Variants in KARS1 observed in about 807,000 individuals in gnomAD.
The protein encoded by KARS1 is lysyl-tRNA synthetase 1, also known as lysine--tRNA ligase.
KARS1 carries 50 observed loss-of-function variants against 63.9 expected under a neutral mutation model. The ratio of observed to expected loss-of-function variants is 0.78; its 90% CI spans 0.62 to 0.99. KARS1 has a LOEUF of 0.99. Among genes scored for constraint, KARS1 ranks in the 50% least tolerant of loss-of-function variants. The pLI, the probability that KARS1 is intolerant of heterozygous loss-of-function variation, is 0.00. For synonymous variants in KARS1, 320 were observed against 264.6 expected (o/e 1.21, Z -2.03); for missense variants, 816 against 754.5 (o/e 1.08, Z -0.95).
At chr16:75,629,640 C>A (rs777771119) in intron 11 of KARS1, 99 bp from the exon 12 acceptor site, 22 of 1,328,978 alleles carry the variant, frequency 1.7e-5, no homozygotes, top group Non-Finnish European at 2.1e-5. Context: ...CGCTCTGTCA[C>A]GCAGGCTGGA....
intron 2 of KARS1, 89 bp downstream of exon 2, chr16:75,641,475 C>G (rs905892543): frequency 4.4e-6 from 5 of 1,133,384 alleles, no homozygotes; most frequent in Non-Finnish European, 6.5e-6. Context: ...CGTACTGGTC[C>G]CTCCTACTGT....
At chr16:75,631,907 G>C (rs761439804) in intron 7 of KARS1, 52 bp from the exon 8 acceptor site, 2 of 1,599,450 alleles carry the variant, frequency 1.3e-6, no homozygotes, top group Non-Finnish European at 1.7e-6. Context: ...TTTTTTTTGA[G>C]ATGGAGTTTT....
At position 75,628,138 on chromosome 16, in the gene KARS1, T is replaced by C. The variant is rs1004981759; in HGVS notation, c.1696-145A>G. 2.4e-5 allele frequency: 17 copies of C among 700,622 alleles called. No homozygotes were observed. In the African/African-American group the frequency reaches 2.6e-4, roughly 11 times the overall value. The allele number at this position is 700,622 out of a possible 1,614,324, so 43.4% of individuals were successfully genotyped here. On this transcript the variant is annotated intron_variant, in intron 13 of 13. Transcript: ENST00000302445. Reference sequence around the variant, plus strand: ...AGCTGAAAAGGCTCATGTGTTCTTTTATTTCAACTCAGACCCTCTCAAGTT... The same window carrying C: ...AGCTGAAAAGGCTCATGTGTTCTTTCATTTCAACTCAGACCCTCTCAAGTT...
At position 75,635,719 on chromosome 16, in the gene KARS1, T is replaced by A; in HGVS notation, c.756A>T (p.Thr252=). Reference sequence around the variant, plus strand: ...GCTCATCTAAGAAACTTCTTATATATGTGATGATCTTAGAGCGGATGATAA... The same window carrying A: ...GCTCATCTAAGAAACTTCTTATATAAGTGATGATCTTAGAGCGGATGATAA... The part of the protein sequence containing the change: ...QKFIIRSKII[T]YIRSFLDELG... Residue 252 remains threonine, a synonymous_variant, in exon 6 of 14, where the codon ACA becomes ACT. Coordinates refer to ENST00000302445, the MANE Select transcript of KARS1 (RefSeq NM_005548.3). The A allele has an allele frequency of 2.5e-6, 4 of 1,614,100 alleles. No homozygotes were observed. Among genetic ancestry groups the A allele is most frequent in the Non-Finnish European group, 3.4e-6 (4 of 1,179,926 alleles).
intron 11 of KARS1, among the ~76,000 whole-genome samples, chr16:75,629,979 C>T (rs776481568): frequency 3.9e-5 from 6 of 152,194 alleles, no homozygotes; most frequent in Non-Finnish European, 8.8e-5. Context: ...AACAGGCCAG[C>T]GGGCAGACTG....
In KARS1 at chr16:75,641,723, ACT is replaced by A; in HGVS notation, c.63-2_63-1del. On this transcript the variant is annotated splice_acceptor_variant, in intron 1 of 13. Coordinates refer to ENST00000302445, the MANE Select transcript of KARS1 (RefSeq NM_005548.3). LOFTEE classifies it high-confidence loss of function. ...CAGCTTTCAGGCGTCTCTTCAGCTC[ACT>A]GTTGGAAAGATGAAAGCGTTCAATG... 1 of 1,613,660 alleles carries A rather than the reference ACT, an allele frequency of 6.2e-7. No individual in the cohort carries two copies. The highest frequency in any genetic ancestry group is 8.5e-7 in the Non-Finnish European group (1 of 1,180,002).
chr16:75,636,179 A>G, intron 4 of KARS1, 81 bp from the exon 5 acceptor site: 1 of 877,436 alleles, frequency 1.1e-6, no homozygotes, highest in Non-Finnish European at 1.9e-6. Context: ...CCCTCACTCA[A>G]CTGTTAATAC....
Position 75,644,177 on chromosome 16 carries a change from C to T in KARS1, c.63-2454G>A, listed in dbSNP as rs1043040244. 34 of 998,900 alleles carry T rather than the reference C, an allele frequency of 3.4e-5. No homozygotes were observed. In the African/African-American group the frequency reaches 4.2e-4, roughly 12 times the overall value. The allele number at this position is 998,900 out of a possible 1,614,324, so 61.9% of individuals were successfully genotyped here. On this transcript the variant is annotated intron_variant, in intron 1 of 13. Coordinates refer to ENST00000302445, the MANE Select transcript of KARS1 (RefSeq NM_005548.3). ...GTTTTGGTATTAGGGCTCCTTGTTT[C>T]CTTAGCAACAAGTCCAAAGACTTAG...
chr16:75,642,193 T>A (rs2082233216), intron 1 of KARS1, among the ~76,000 whole-genome samples: 5 of 78,562 alleles, frequency 6.4e-5, no homozygotes, highest in Non-Finnish European at 1.1e-4. Context: ...GTCTTTTTTT[T>A]TTTTTTTTTT....
chr16:75,632,018 G>C (rs1340804938), intron 7 of KARS1, among the ~76,000 whole-genome samples, 163 bp from the exon 8 acceptor site: 2 of 152,128 alleles, frequency 1.3e-5, no homozygotes, highest in East Asian at 3.9e-4. Flanking sequence ...CTCCCTAGTA[G>C]CTGGGATTAC....
At chr16:75,647,076 C>T (rs141340946) in intron 1 of KARS1, among the ~76,000 whole-genome samples, 26 of 152,234 alleles carry the variant, frequency 1.7e-4, no homozygotes, top group African/African-American at 6.0e-4. Context: ...TACTGAATAA[C>T]CCATACGGGT....
At chr16:75,633,515 C>CTTTTTT (rs770761249) in intron 7 of KARS1, among the ~76,000 whole-genome samples, 2 of 127,516 alleles carry the variant, frequency 1.6e-5, no homozygotes, top group African/African-American at 2.9e-5. Flanking sequence ...TTTGAAGATA[C>CTTTTTT]TTTTTTTTTT....
intron 1 of KARS1, among the ~76,000 whole-genome samples, chr16:75,643,083 G>A (rs1480684118): frequency 2.0e-5 from 3 of 152,132 alleles, no homozygotes; most frequent in Non-Finnish European, 4.4e-5. Context: ...CCAAAGTAAT[G>A]CGGACAACTC....
At chr16:75,637,476 T>C (rs142181961) in intron 3 of KARS1, among the ~76,000 whole-genome samples, 2,028 of 151,900 alleles carry the variant, frequency 0.013, 51 homozygotes, top group African/African-American at 0.047. Flanking sequence ...GAGGGTTGCA[T>C]TAAGAAGATC....
chr16:75,641,454 G>C (rs2082222480), intron 2 of KARS1, 110 bp downstream of exon 2: 1 of 892,194 alleles, frequency 1.1e-6, no homozygotes, highest in Admixed American at 2.1e-5. Context: ...ATCCCTGGCA[G>C]TGACCTCAGG....
chr16:75,630,584 TC>T, intron 10 of KARS1, 76 bp from the exon 11 acceptor site: 2 of 844,070 alleles, frequency 2.4e-6, no homozygotes, highest in Non-Finnish European at 4.1e-6. Context: ...ACAGAAGATC[TC>T]AGCTCCCATC....
chr16:75,642,005 C>A (rs2082230171), intron 1 of KARS1, among the ~76,000 whole-genome samples: 1 of 151,904 alleles, frequency 6.6e-6, no homozygotes, highest in Non-Finnish European at 1.5e-5. Flanking sequence ...CCAACTAAAA[C>A]CAAGATGTAC....
chr16:75,645,914 A>G (rs2082277557), intron 1 of KARS1, among the ~76,000 whole-genome samples: 1 of 151,356 alleles, frequency 6.6e-6, no homozygotes, highest in African/African-American at 2.4e-5. Flanking sequence ...CTAAAAACAC[A>G]CTCTGAACTG....
At chr16:75,630,684 G>A (rs1385415567) in intron 10 of KARS1, among the ~76,000 whole-genome samples, 176 bp from the exon 11 acceptor site, 1 of 152,034 alleles carries the variant, frequency 6.6e-6, no homozygotes, top group African/African-American at 2.4e-5. Context: ...CGCCCAGGCT[G>A]GAGTGCAGTG....
Sources: allele counts gnomAD v4.1 joint callset (sites outside exome capture counted in the v4.1 genomes callset), GRCh38; gene constraint gnomAD v4.1.1; transcripts MANE v1.5; gene names NCBI Gene and HGNC (gene_info 2026-07-23, HGNC 2026-07-21).